Variants in ARHGAP39 observed in about 807,000 individuals in gnomAD.
ARHGAP39 encodes Rho GTPase activating protein 39.
ARHGAP39 carries 44 observed loss-of-function variants against 106.9 expected under a neutral mutation model. That is an observed-to-expected ratio of 0.41 (90% confidence interval 0.32 to 0.53). The LOEUF is 0.53. Among genes scored for constraint, ARHGAP39 ranks in the 20% least tolerant of loss-of-function variants. The probability of loss-of-function intolerance (pLI) is 0.21; values close to 1 mark genes in which losing one functional copy is unlikely to be tolerated. For missense variants in ARHGAP39, 1,496 were observed against 1,577.3 expected (o/e 0.95, Z 0.87); for synonymous variants, 768 against 693.2 (o/e 1.11, Z -1.69).
At chr8:144,698,576 T>C in the ARHGAP39 span, 1 of 264,866 alleles carries the variant, frequency 3.8e-6, no homozygotes, top group South Asian at 3.3e-5. Context: ...GCTTTCTTAA[T>C]GGTAGCTTTT....
At chr8:144,666,931 C>T (rs192385716) in intron 1 of ARHGAP39, among the ~76,000 whole-genome samples, 1 of 152,250 alleles carries the variant, frequency 6.6e-6, no homozygotes, top group East Asian at 1.9e-4. Context: ...AATGTCCAAG[C>T]CCCTCCTCCT....
rs750934223 is a variant in ARHGAP39, at chr8:144,530,765, G to A, written c.3087C>T (p.Ala1029=). ...TGATGCGGGGCAGCGCGTGCACCAC[G>A]GCCACCGCCGCCTCGGGGCTGTCGT... ...AHYDSPEAAV[A]VVHALPRINR... The change falls in exon 11 of 12, where the codon GCC becomes GCT. Residue 1029 remains alanine, a synonymous_variant. Coordinates refer to ENST00000377307, the MANE Select transcript of ARHGAP39 (RefSeq NM_025251.3). The A allele has an allele frequency of 1.2e-6, 2 of 1,610,756 alleles. No individual in the cohort carries two copies. The highest frequency in any genetic ancestry group is 1.7e-6 in the Non-Finnish European group (2 of 1,179,186).
intron 1 of ARHGAP39, among the ~76,000 whole-genome samples, chr8:144,636,008 C>T (rs1462824852): frequency 2.5e-5 from 3 of 118,784 alleles, no homozygotes; most frequent in African/African-American, 9.7e-5. Context: ...CTGAGGCTAC[C>T]GCCAGGTAGA....
At chr8:144,574,242 A>G (rs1168277038) in intron 3 of ARHGAP39, among the ~76,000 whole-genome samples, 1 of 152,068 alleles carries the variant, frequency 6.6e-6, no homozygotes, top group African/African-American at 2.4e-5. Flanking sequence ...AAAATATTTA[A>G]AAGTGGGCTG....
At chr8:144,616,379 G>A (rs1820636820) in intron 1 of ARHGAP39, among the ~76,000 whole-genome samples, 2 of 152,196 alleles carry the variant, frequency 1.3e-5, no homozygotes, top group Admixed American at 6.5e-5. Flanking sequence ...GGTTGCCCCT[G>A]GCTTTAAGAG....
chr8:144,561,134 T>C lies in ARHGAP39; in HGVS notation c.513-5491A>G, dbSNP rs115803794. Among the ~76,000 whole-genome samples, 665 of 152,348 alleles carry C rather than the reference T, an allele frequency of 4.4e-3. 3 individuals are homozygous for C. The highest frequency in any genetic ancestry group is 0.015 in the African/African-American group (632 of 41,584). On this transcript the variant is annotated intron_variant, in intron 3 of 11. Transcript: ENST00000377307. ...AGCCCTAGGACCCCAGTGGTTTCCA[T>C]TGCACCCCAGCGGTTTCCATCACAC... is the stretch of plus-strand genomic sequence containing the variant.
chr8:144,673,216 C>CAAAAAAAAAA (rs112112343), intron 1 of ARHGAP39, among the ~76,000 whole-genome samples: 1 of 141,352 alleles, frequency 7.1e-6, no homozygotes, highest in Non-Finnish European at 1.5e-5. Flanking sequence ...GAACCTGTCT[C>CAAAAAAAAAA]AAAAAAAAAA....
At chr8:144,692,106 G>T in the ARHGAP39 span, among the ~76,000 whole-genome samples, 1 of 152,086 alleles carries the variant, frequency 6.6e-6, no homozygotes, top group Non-Finnish European at 1.5e-5. Flanking sequence ...GGCCTGGAAA[G>T]GGCTGGCACT....
At chr8:144,614,954 C>T (rs113411732) in intron 1 of ARHGAP39, among the ~76,000 whole-genome samples, 3 of 152,330 alleles carry the variant, frequency 2.0e-5, no homozygotes, top group African/African-American at 7.2e-5. Context: ...CTTATATGAA[C>T]ACAATGATCA....
Position 144,666,723 on chromosome 8 carries a change from T to A in ARHGAP39, c.-82+18963A>T, listed in dbSNP as rs188640403. 3.0e-3 allele frequency among the ~76,000 whole-genome samples: 459 copies of A among 152,314 alleles called. 5 individuals are homozygous for A. Among genetic ancestry groups the A allele is most frequent in the African/African-American group, 0.011 (445 of 41,558 alleles). ...ACGGTAAGTCCAATTAAACTTCTTT[T>A]TCTCCCCAGTCTTGGGTATGTCTTT... On this transcript the variant is annotated intron_variant, in intron 1 of 11. Coordinates refer to ENST00000377307, the MANE Select transcript of ARHGAP39 (RefSeq NM_025251.3).
intron 1 of ARHGAP39, among the ~76,000 whole-genome samples, chr8:144,631,700 T>C (rs933049603): frequency 6.6e-6 from 1 of 152,196 alleles, no homozygotes; most frequent in East Asian, 1.9e-4. Context: ...CCCTTGGCAG[T>C]TGGATCCCCC....
chr8:144,532,386 C>T lies in ARHGAP39; in HGVS notation c.2899G>A (p.Asp967Asn). Residue 967 changes from aspartate (D) to asparagine (N), a missense_variant, in exon 10 of 12, where the codon GAC (aspartate) becomes AAC (asparagine). Around this residue, in one of 4 missense-constraint regions of ARHGAP39, gnomAD observed 470 missense variants for 605.1 expected, o/e 0.78. Transcript: ENST00000377307. Reference sequence around the variant, plus strand: ...TTCAGGGCATTCACCTCGTCAATGTCCCCAGGGACCCTGCAGGGCACAGGG... The same window carrying T: ...TTCAGGGCATTCACCTCGTCAATGTTCCCAGGGACCCTGCAGGGCACAGGG... ...QTEGIFRVPG[D>N]IDEVNALKLQ... 6.2e-7 allele frequency: 1 copy of T among 1,601,822 alleles called. No individual in the cohort carries two copies.
intron 1 of ARHGAP39, among the ~76,000 whole-genome samples, chr8:144,678,158 A>G (rs1822291827): frequency 6.6e-6 from 1 of 152,068 alleles, no homozygotes. Context: ...CAATCCTGGC[A>G]CTTTCGGAGG....
rs149749130 is a variant in ARHGAP39 at position 144,545,756 on chromosome 8, C to T, written c.2014G>A (p.Gly672Ser). 32 of 1,606,308 alleles carry T rather than the reference C, an allele frequency of 2.0e-5. No individual in the cohort carries two copies. Among genetic ancestry groups the T allele is most frequent in the Admixed American group, 6.7e-5 (4 of 59,808 alleles). Residue 672 changes from glycine (G) to serine (S), a missense_variant, in exon 6 of 12, where the codon GGC becomes AGC. Gly to Ser is a moderately conservative substitution (Grantham distance 56). This residue lies in a region of ARHGAP39 where 905 missense variants were observed against 816.4 expected (regional missense o/e 1.11). Coordinates refer to ENST00000377307, the MANE Select transcript of ARHGAP39 (RefSeq NM_025251.3). ...QFESSRQSRS[G>S]VPSSSCVFPT... ...AAGACGCAGCTGGAGCTGGGAACGC[C>T]GCTGCGGCTCTGCCGGCTGCTCTCG...
chr8:144,623,010 G>A (rs552467344), intron 1 of ARHGAP39, among the ~76,000 whole-genome samples: 5 of 152,230 alleles, frequency 3.3e-5, no homozygotes, highest in Admixed American at 3.3e-4. Context: ...GGCCCCACTC[G>A]GTCAGGACCC....
chr8:144,576,051 G>A (rs539219841), intron 3 of ARHGAP39, among the ~76,000 whole-genome samples: 1 of 152,238 alleles, frequency 6.6e-6, no homozygotes, highest in South Asian at 2.1e-4. Flanking sequence ...CCAACAGAGT[G>A]GCCGGGCATG....
At chr8:144,582,310 G>C (rs1465679543) in intron 2 of ARHGAP39, among the ~76,000 whole-genome samples, 1 of 152,166 alleles carries the variant, frequency 6.6e-6, no homozygotes, top group African/African-American at 2.4e-5. Context: ...TTGAAACCAG[G>C]CCAGGGACAC....
intron 11 of ARHGAP39, 38 bp from the exon 12 acceptor site, chr8:144,530,654 G>C (rs778809500): frequency 3.3e-6 from 5 of 1,504,632 alleles, no homozygotes; most frequent in Middle Eastern, 2.4e-4. Flanking sequence ...AGGGGCGGGG[G>C]CGGGGCGGGG....
At chr8:144,675,767 G>T (rs559296225) in intron 1 of ARHGAP39, among the ~76,000 whole-genome samples, 1 of 151,500 alleles carries the variant, frequency 6.6e-6, no homozygotes, top group South Asian at 2.1e-4. Context: ...CGGTGGGTTC[G>T]TGGTCTCGCT....
Sources: allele counts gnomAD v4.1 joint callset (sites outside exome capture counted in the v4.1 genomes callset), GRCh38; gene constraint gnomAD v4.1.1; regional missense constraint gnomAD v4.1.1; transcripts MANE v1.5; gene names NCBI Gene and HGNC (gene_info 2026-07-23, HGNC 2026-07-21).